The following ACTMAP variants were observed in gnomAD, a reference collection of about 807,000 sequenced individuals.
The protein encoded by ACTMAP is actin maturation protease.
chr19:40,745,221 C>T, the ACTMAP span: 2 of 1,551,570 alleles, frequency 1.3e-6, no homozygotes, highest in Non-Finnish European at 1.7e-6. Context: ...CGTGCTCAGT[C>T]ACCAGGGAGC....
chr19:40,741,897 T>C, the ACTMAP span: 1 of 453,490 alleles, frequency 2.2e-6, no homozygotes, highest in Admixed American at 2.4e-5. Flanking sequence ...AGGGGTGTCT[T>C]GACTGGGGCT....
the ACTMAP span, among the ~76,000 whole-genome samples, chr19:40,747,791 G>A: frequency 3.9e-5 from 6 of 152,248 alleles, no homozygotes; most frequent in Non-Finnish European, 7.4e-5. Flanking sequence ...ACTTGAGCCT[G>A]GGAGGTTGGG....
chr19:40,747,933 T>C, the ACTMAP span, among the ~76,000 whole-genome samples: 1 of 152,112 alleles, frequency 6.6e-6, no homozygotes. Context: ...TCTTCCTCTT[T>C]CTGCACTATA....
At chr19:40,742,791 G>C in the ACTMAP span, 2 of 1,582,766 alleles carry the variant, frequency 1.3e-6, no homozygotes, top group Non-Finnish European at 8.6e-7. Context: ...GGAGAAGGTG[G>C]TGAGTGGCAG....
the ACTMAP span, chr19:40,742,688 C>A: frequency 6.2e-7 from 1 of 1,613,028 alleles, no homozygotes. Context: ...AGGGCGTGCC[C>A]AGCACTGGGT....
At chr19:40,749,650 C>T in the ACTMAP span, 87 of 1,548,586 alleles carry the variant, frequency 5.6e-5, 1 homozygote, top group South Asian at 8.9e-4. Context: ...GGTGGGGGAA[C>T]AGGGGTCTGC....
At chr19:40,741,157 T>G in the ACTMAP span, 186 of 398,638 alleles carry the variant, frequency 4.7e-4, 1 homozygote, top group African/African-American at 3.5e-3. Context: ...AATACTGCAC[T>G]GTGGCCGGGC....
chr19:40,744,966 C>T, the ACTMAP span: 15 of 863,470 alleles, frequency 1.7e-5, no homozygotes, highest in Admixed American at 2.0e-4. Context: ...ACTATGTTTA[C>T]TATGCAGGCA....
At chr19:40,744,146 G>A in the ACTMAP span, 1 of 1,609,684 alleles carries the variant, frequency 6.2e-7, no homozygotes, top group South Asian at 1.1e-5. Context: ...CCAGAGAGCA[G>A]CTTGGCCTGG....
the ACTMAP span, among the ~76,000 whole-genome samples, chr19:40,749,286 C>T: frequency 0.016 from 2,418 of 152,242 alleles, 28 homozygotes; most frequent in Non-Finnish European, 0.026. Context: ...CCAAAGCACC[C>T]GGACTGGACT....
the ACTMAP span, chr19:40,741,671 G>A: frequency 2.2e-6 from 1 of 454,022 alleles, no homozygotes; most frequent in Non-Finnish European, 4.4e-6. Context: ...CTGAGATACT[G>A]ACTACCTAGC....
At chr19:40,746,469 G>A in the ACTMAP span, among the ~76,000 whole-genome samples, 4 of 151,874 alleles carry the variant, frequency 2.6e-5, no homozygotes, top group Admixed American at 1.3e-4. Context: ...TCTGCCTCCC[G>A]GGTTCACGCC....
At chr19:40,749,254 G>A in the ACTMAP span, among the ~76,000 whole-genome samples, 2 of 152,172 alleles carry the variant, frequency 1.3e-5, no homozygotes, top group Non-Finnish European at 2.9e-5. Flanking sequence ...GCCTCCCAAA[G>A]TGCTGGGATT....
chr19:40,746,077 G>T, the ACTMAP span, among the ~76,000 whole-genome samples: 37 of 152,194 alleles, frequency 2.4e-4, 1 homozygote, highest in Admixed American at 2.4e-3. Context: ...GTTCAACAAT[G>T]AAAATCCCTT....
At chr19:40,742,451 T>C in the ACTMAP span, 1 of 1,465,502 alleles carries the variant, frequency 6.8e-7, no homozygotes, top group Non-Finnish European at 9.0e-7. Flanking sequence ...TGCAGTCCTG[T>C]GGTGTGAGGA....
At chr19:40,744,075 C>T in the ACTMAP span, 1 of 1,613,882 alleles carries the variant, frequency 6.2e-7, no homozygotes, top group African/African-American at 1.3e-5. Flanking sequence ...ACGGGATGAG[C>T]AGGGGATGTC....
chr19:40,745,786 C>T, the ACTMAP span, among the ~76,000 whole-genome samples: 5 of 152,360 alleles, frequency 3.3e-5, no homozygotes, highest in South Asian at 8.3e-4. Flanking sequence ...GGGTCTCCTG[C>T]CTCAGCCTCC....
chr19:40,741,833 C>T, the ACTMAP span: 9 of 456,306 alleles, frequency 2.0e-5, no homozygotes, highest in Admixed American at 9.4e-5. Context: ...GAGGGGCTGG[C>T]ACAGGTAACT....
At chr19:40,744,934 C>A in the ACTMAP span, 1 of 804,998 alleles carries the variant, frequency 1.2e-6, no homozygotes, top group East Asian at 2.7e-5. Context: ...CAGGCTCATT[C>A]GTTCATTCCT....
Sources: gnomAD v4.1 joint callset for allele counts (sites outside exome capture counted in the v4.1 genomes callset) on GRCh38, gnomAD v4.1.1 for gene constraint, MANE v1.5 for transcripts, NCBI Gene and HGNC (gene_info 2026-07-23, HGNC 2026-07-21) for gene names.